CLEC9A: variants seen among roughly 807,000 people sequenced by gnomAD.
The protein encoded by CLEC9A is C-type lectin domain containing 9A, also known as C-type lectin domain family 9 member A.
CLEC9A carries 24 observed loss-of-function variants against 30.0 expected under a neutral mutation model. That is an observed-to-expected ratio of 0.80 (90% CI 0.58 to 1.13). CLEC9A has a LOEUF of 1.13. Ranked by LOEUF, CLEC9A falls within the 50% of genes most tolerant of loss-of-function variation. CLEC9A has a pLI of 0.00. For synonymous variants in CLEC9A, 111 were observed against 96.8 expected (o/e 1.15, Z -0.86); for missense variants, 251 against 280.9 (o/e 0.89, Z 0.76).
intron 1 of CLEC9A, among the ~76,000 whole-genome samples, chr12:10,037,127 A>C (rs1565587866): frequency 6.6e-6 from 1 of 152,218 alleles, no homozygotes; most frequent in African/African-American, 2.4e-5. Flanking sequence ...GATGAATGAA[A>C]ACAAGATAAT....
intron 1 of CLEC9A, among the ~76,000 whole-genome samples, chr12:10,032,683 G>T (rs531981998): frequency 6.6e-6 from 1 of 152,038 alleles, no homozygotes; most frequent in South Asian, 2.1e-4. Flanking sequence ...GAGCCACCGC[G>T]CCCGGCCAAT....
intron 1 of CLEC9A, among the ~76,000 whole-genome samples, chr12:10,032,101 A>C (rs1179621899): frequency 6.6e-6 from 1 of 152,166 alleles, no homozygotes; most frequent in Admixed American, 6.5e-5. Flanking sequence ...TACTCACAAC[A>C]TCCAATGCTG....
At chr12:10,057,337 T>C (rs941105282) in intron 5 of CLEC9A, among the ~76,000 whole-genome samples, 5 of 151,856 alleles carry the variant, frequency 3.3e-5, no homozygotes, top group Non-Finnish European at 7.4e-5. Flanking sequence ...ATTTAAATTA[T>C]ATACATATAT....
chr12:10,035,179 A>G (rs1398901123), intron 1 of CLEC9A, among the ~76,000 whole-genome samples: 1 of 150,480 alleles, frequency 6.6e-6, no homozygotes, highest in Non-Finnish European at 1.5e-5. Context: ...ATTGATGACT[A>G]CTCTCAATGT....
Position 10,061,052 on chromosome 12 carries a change from C to A in CLEC9A, c.173-75C>A, listed in dbSNP as rs181440162. 1.3e-3 allele frequency: 1,984 copies of A among 1,497,398 alleles called. 5 individuals are homozygous for A. Among genetic ancestry groups the A allele is most frequent in the Non-Finnish European group, 1.6e-3 (1,770 of 1,113,338 alleles). 92.8% of individuals were successfully genotyped at this position (1,497,398 alleles called of 1,614,324 possible). On this transcript the variant is annotated intron_variant, in intron 5 of 8. Coordinates refer to ENST00000355819, the MANE Select transcript of CLEC9A (RefSeq NM_207345.4). ...AAAAATAATAGTAATTTGTACTTGT[C>A]TTTAGTCTGTGTTGAAGGATTATTT... is the stretch of plus-strand genomic sequence containing the variant.
chr12:10,037,605 A>T (rs900924142), intron 1 of CLEC9A, among the ~76,000 whole-genome samples: 1 of 152,164 alleles, frequency 6.6e-6, no homozygotes, highest in African/African-American at 2.4e-5. Context: ...GGGACATGGG[A>T]GGAAACTGGA....
At chr12:10,031,124 A>C (rs181644732) in intron 1 of CLEC9A, among the ~76,000 whole-genome samples, 152 bp downstream of exon 1, 1 of 152,378 alleles carries the variant, frequency 6.6e-6, no homozygotes, top group East Asian at 1.9e-4. Context: ...GAAATGTAAA[A>C]TAATATGAAG....
At chr12:10,060,441 C>T (rs1227454499) in intron 5 of CLEC9A, among the ~76,000 whole-genome samples, 1 of 152,084 alleles carries the variant, frequency 6.6e-6, no homozygotes. Context: ...TCTGAGTGAA[C>T]AAAGCAAATA....
intron 2 of CLEC9A, among the ~76,000 whole-genome samples, chr12:10,051,145 C>T (rs1368455117): frequency 6.7e-6 from 1 of 150,284 alleles, no homozygotes; most frequent in Non-Finnish European, 1.5e-5. Flanking sequence ...GCAGAGGTTG[C>T]AGTGAGCCGA....
chr12:10,034,113 T>C (rs1322973103), intron 1 of CLEC9A, among the ~76,000 whole-genome samples: 3 of 152,250 alleles, frequency 2.0e-5, no homozygotes, highest in Non-Finnish European at 4.4e-5. Context: ...GACAGGCTGA[T>C]TGATTCAAAT....
chr12:10,031,573 C>T (rs1865696375), intron 1 of CLEC9A, among the ~76,000 whole-genome samples: 1 of 152,158 alleles, frequency 6.6e-6, no homozygotes, highest in African/African-American at 2.4e-5. Flanking sequence ...TGCCCCCCAC[C>T]ATTTTGGGAA....
At chr12:10,043,123 G>A in intron 2 of CLEC9A, 1 of 257,510 alleles carries the variant, frequency 3.9e-6, no homozygotes, top group Non-Finnish European at 7.6e-6. Context: ...TTTTTTTTTT[G>A]TCCAGGGTCT....
At chr12:10,033,000 A>G (rs542499434) in intron 1 of CLEC9A, among the ~76,000 whole-genome samples, 2 of 152,136 alleles carry the variant, frequency 1.3e-5, no homozygotes, top group Non-Finnish European at 2.9e-5. Context: ...TTTCTATGAA[A>G]ACACTCCAGT....
chr12:10,059,455 A>C (rs1056906613), intron 5 of CLEC9A, among the ~76,000 whole-genome samples: 1 of 152,246 alleles, frequency 6.6e-6, no homozygotes, highest in African/African-American at 2.4e-5. Flanking sequence ...TAGAGCATAA[A>C]ACTGTCAAAC....
At chr12:10,058,168 C>G (rs1027937116) in intron 5 of CLEC9A, among the ~76,000 whole-genome samples, 2 of 152,126 alleles carry the variant, frequency 1.3e-5, no homozygotes, top group African/African-American at 2.4e-5. Context: ...ATAGTATACG[C>G]TGTTCAGACA....
intron 5 of CLEC9A, 141 bp from the exon 6 acceptor site, chr12:10,060,986 A>C (rs1348827900): frequency 8.9e-6 from 9 of 1,011,628 alleles, no homozygotes; most frequent in Non-Finnish European, 1.2e-5. Context: ...GTACAATGTA[A>C]ATTTTAAGCA....
At chr12:10,048,731 C>T (rs1865869079) in intron 2 of CLEC9A, among the ~76,000 whole-genome samples, 1 of 152,226 alleles carries the variant, frequency 6.6e-6, no homozygotes, top group Non-Finnish European at 1.5e-5. Context: ...TTCTAGTTCT[C>T]TTGCTATTTC....
intron 5 of CLEC9A, among the ~76,000 whole-genome samples, chr12:10,059,824 C>T (rs1187680249): frequency 6.6e-6 from 1 of 151,976 alleles, no homozygotes; most frequent in African/African-American, 2.4e-5. Flanking sequence ...AGGATTAGAA[C>T]CTAGAATGTA....
intron 1 of CLEC9A, among the ~76,000 whole-genome samples, chr12:10,037,838 A>G (rs1565588050): frequency 6.6e-6 from 1 of 152,082 alleles, no homozygotes; most frequent in African/African-American, 2.4e-5. Context: ...ATCAAAGGTA[A>G]CTCTATGTGT....
Sources: gnomAD v4.1 joint callset for allele counts (sites outside exome capture counted in the v4.1 genomes callset) on GRCh38, gnomAD v4.1.1 for gene constraint, MANE v1.5 for transcripts, NCBI Gene and HGNC (gene_info 2026-07-23, HGNC 2026-07-21) for gene names.